Variants in PCDHA9 observed in about 807,000 individuals in gnomAD.
The protein encoded by PCDHA9 is protocadherin alpha 9.
In PCDHA9, 62 loss-of-function variants were observed where a neutral mutation model predicts 62.0. The observed-to-expected ratio is 1.00, with a 90% CI of 0.81 to 1.23. The LOEUF is 1.23. Among genes scored for constraint, PCDHA9 ranks in the 50% most tolerant of loss-of-function variants. The pLI is 0.00. For missense variants in PCDHA9, 1,205 were observed against 1,249.8 expected (o/e 0.96, Z 0.54); for synonymous variants, 557 against 567.6 (o/e 0.98, Z 0.27).
intron 1 of PCDHA9, among the ~76,000 whole-genome samples, chr5:140,896,209 T>C (rs1489640114): frequency 6.6e-6 from 1 of 152,238 alleles, no homozygotes; most frequent in African/African-American, 2.4e-5. Context: ...AACATACACA[T>C]ACATGTGTCT....
intron 1 of PCDHA9, chr5:140,864,198 A>G (rs1437307959): frequency 6.6e-6 from 1 of 152,182 alleles, no homozygotes; most frequent in Non-Finnish European, 1.5e-5. Flanking sequence ...TCCTTATGAG[A>G]AGGTCAAATC....
At chr5:140,990,007 C>T (rs1188956345) in intron 3 of PCDHA9, among the ~76,000 whole-genome samples, 2 of 151,870 alleles carry the variant, frequency 1.3e-5, no homozygotes, top group African/African-American at 2.4e-5. Flanking sequence ...TCTCCAAGGG[C>T]GTGGGCTAGG....
At chr5:140,967,910 A>G (rs2096197842) in intron 1 of PCDHA9, 1 of 1,613,996 alleles carries the variant, frequency 6.2e-7, no homozygotes, top group Non-Finnish European at 8.5e-7. Flanking sequence ...TACACCCAAC[A>G]CCATTGTGGC....
At chr5:140,926,185 GCAGCACTT>G (rs1563077744) in intron 1 of PCDHA9, among the ~76,000 whole-genome samples, 1 of 151,672 alleles carries the variant, frequency 6.6e-6, no homozygotes, top group East Asian at 1.9e-4. Flanking sequence ...AAAGCCCCCC[GCAGCACTT>G]CTTTCGGGGG....
At chr5:140,967,136 C>CTT (rs1401459371) in intron 1 of PCDHA9, 1 of 1,611,568 alleles carries the variant, frequency 6.2e-7, no homozygotes, top group African/African-American at 1.3e-5. Context: ...CTTGGAAGTG[C>CTT]TGGCGCACAA....
intron 1 of PCDHA9, among the ~76,000 whole-genome samples, chr5:140,900,569 A>G (rs1166977648): frequency 2.6e-5 from 4 of 152,182 alleles, no homozygotes; most frequent in African/African-American, 9.7e-5. Context: ...GAGCCACGGC[A>G]CCGGCCCATT....
At chr5:140,886,555 C>T (rs1441725788) in intron 1 of PCDHA9, among the ~76,000 whole-genome samples, 3 of 151,830 alleles carry the variant, frequency 2.0e-5, no homozygotes, top group Non-Finnish European at 4.4e-5. Context: ...CAGCTGGGCA[C>T]GGTGGCTCAC....
At chr5:140,869,953 A>G (rs781865487) in intron 1 of PCDHA9, 10 of 1,612,868 alleles carry the variant, frequency 6.2e-6, no homozygotes, top group Middle Eastern at 3.3e-4. Context: ...CTTAATGTCA[A>G]TTAAGCCCAA....
intron 1 of PCDHA9, among the ~76,000 whole-genome samples, chr5:140,933,958 G>A (rs2089541288): frequency 1.3e-5 from 2 of 151,998 alleles, no homozygotes; most frequent in South Asian, 4.1e-4. Context: ...AGGATCTGTA[G>A]TGATGTTTCC....
intron 1 of PCDHA9, chr5:140,864,831 A>G (rs2048618192): frequency 1.3e-5 from 2 of 152,186 alleles, no homozygotes; most frequent in Non-Finnish European, 2.9e-5. Context: ...GGCTTTAAGT[A>G]TAAGAGAGTC....
At chr5:140,952,009 G>A (rs780606946) in intron 1 of PCDHA9, among the ~76,000 whole-genome samples, 1 of 152,102 alleles carries the variant, frequency 6.6e-6, no homozygotes, top group African/African-American at 2.4e-5. Flanking sequence ...AGAATTATAG[G>A]CCCCATGCAA....
At chr5:140,862,290 A>G (rs1423685229) in intron 1 of PCDHA9, 3 of 265,086 alleles carry the variant, frequency 1.1e-5, no homozygotes, top group Admixed American at 4.8e-5. Flanking sequence ...GTACAGGAGG[A>G]CGCTCCACTG....
intron 1 of PCDHA9, chr5:140,870,939 G>C (rs555504652): frequency 6.2e-7 from 1 of 1,613,732 alleles, no homozygotes; most frequent in South Asian, 1.1e-5. Flanking sequence ...AATTGCAGCC[G>C]GCGGCGGGCG....
chr5:140,882,086 A>G (rs1416648023), intron 1 of PCDHA9: 4 of 1,056,010 alleles, frequency 3.8e-6, no homozygotes, highest in South Asian at 1.7e-5. Context: ...GTCGCTCTTC[A>G]CTGAGAACGT....
rs2150465789 is a variant in PCDHA9, at chr5:140,850,071, G to A, written c.1576G>A (p.Glu526Lys). Residue 526 changes from glutamate to lysine, a missense_variant, in exon 1 of 4, where the codon GAG becomes AAG. Around this residue, in one of 3 missense-constraint regions of PCDHA9, gnomAD observed 887 missense variants for 809.5 expected, o/e 1.10. Coordinates refer to ENST00000532602, the MANE Select transcript of PCDHA9 (RefSeq NM_031857.2). ...GTACGCGCTGCAGCCGTTGGACCAC[G>A]AGGAGCTGGAGCTGCTACAGTTCCA... Reference protein sequence around the residue: ...KVYALQPLDHEELELLQFQVS... With the variant: ...KVYALQPLDHKELELLQFQVS... 1 of 1,596,556 alleles carries A rather than the reference G, an allele frequency of 6.3e-7. No individual in the cohort carries two copies. The highest frequency in any genetic ancestry group is 8.6e-7 in the Non-Finnish European group (1 of 1,167,840).
chr5:140,937,148 C>T (rs1400872734), intron 1 of PCDHA9, among the ~76,000 whole-genome samples: 6 of 151,842 alleles, frequency 4.0e-5, no homozygotes, highest in Non-Finnish European at 8.8e-5. Flanking sequence ...TGCCATTCTC[C>T]TGCCTCAGCC....
At chr5:140,921,534 G>A (rs1413381073) in intron 1 of PCDHA9, among the ~76,000 whole-genome samples, 3 of 152,130 alleles carry the variant, frequency 2.0e-5, no homozygotes, top group African/African-American at 7.2e-5. Context: ...TCTGCTGATA[G>A]AACATTCTGC....
intron 1 of PCDHA9, chr5:140,870,953 C>A: frequency 1.2e-6 from 2 of 1,613,668 alleles, no homozygotes; most frequent in Non-Finnish European, 1.7e-6. Flanking sequence ...GCGGGCGGCT[C>A]GCGCATCCCG....
At chr5:140,953,254 C>A (rs1483553184) in intron 1 of PCDHA9, among the ~76,000 whole-genome samples, 3 of 152,098 alleles carry the variant, frequency 2.0e-5, no homozygotes, top group Non-Finnish European at 2.9e-5. Flanking sequence ...CAGTTTAGTT[C>A]TTTTAGCTTT....
Sources: gnomAD v4.1 joint callset for allele counts (sites outside exome capture counted in the v4.1 genomes callset) on GRCh38, gnomAD v4.1.1 for gene constraint, gnomAD v4.1.1 regional missense constraint, MANE v1.5 for transcripts, NCBI Gene and HGNC (gene_info 2026-07-23, HGNC 2026-07-21) for gene names.